B3GALT1: variants seen among roughly 807,000 people sequenced by gnomAD.
B3GALT1 encodes the protein beta-1,3-galactosyltransferase 1.
In B3GALT1, 10 loss-of-function variants were observed where a neutral mutation model predicts 23.2. That is an observed-to-expected ratio of 0.43 (90% CI 0.27 to 0.73). B3GALT1 has a LOEUF of 0.73. Among genes scored for constraint, B3GALT1 ranks in the 30% least tolerant of loss-of-function variants. The probability of loss-of-function intolerance (pLI) is 0.21; values close to 1 mark genes in which losing one functional copy is unlikely to be tolerated. For missense variants in B3GALT1, 299 were observed against 405.4 expected (o/e 0.74, Z 2.25); for synonymous variants, 156 against 141.5 (o/e 1.10, Z -0.73).
At chr2:167,675,718 A>G (rs1231714196) in intron 3 of B3GALT1, among the ~76,000 whole-genome samples, 2 of 152,188 alleles carry the variant, frequency 1.3e-5, no homozygotes, top group Non-Finnish European at 2.9e-5. Context: ...TAGCTCCACT[A>G]CTGAGAAATT....
intron 3 of B3GALT1, among the ~76,000 whole-genome samples, chr2:167,700,454 T>A: frequency 6.6e-6 from 1 of 151,686 alleles, no homozygotes; most frequent in East Asian, 1.9e-4. Context: ...ATGAAAGAGA[T>A]AAAAATTTTT....
chr2:167,453,493 C>T (rs559191420), intron 1 of B3GALT1, among the ~76,000 whole-genome samples: 1 of 152,248 alleles, frequency 6.6e-6, no homozygotes, highest in South Asian at 2.1e-4. Context: ...AAGGTTAATG[C>T]AAGAGCTCTA....
chr2:167,711,659 T>C (rs1396146156), intron 3 of B3GALT1, among the ~76,000 whole-genome samples: 1 of 152,108 alleles, frequency 6.6e-6, no homozygotes, highest in East Asian at 1.9e-4. Flanking sequence ...GTCTTGTAAA[T>C]AAAAATAATA....
chr2:167,485,773 A>C (rs1048550582), intron 1 of B3GALT1, among the ~76,000 whole-genome samples: 2 of 152,170 alleles, frequency 1.3e-5, no homozygotes, highest in African/African-American at 4.8e-5. Context: ...CTCCCAAGTC[A>C]CTAGTTCCAA....
intron 1 of B3GALT1, among the ~76,000 whole-genome samples, chr2:167,304,025 C>T (rs1333951958): frequency 2.6e-5 from 4 of 152,122 alleles, no homozygotes; most frequent in Non-Finnish European, 5.9e-5. Flanking sequence ...CAAGGTCTTC[C>T]ATACCTTCCC....
chr2:167,581,151 G>A (rs1684477326), intron 2 of B3GALT1, among the ~76,000 whole-genome samples: 1 of 152,120 alleles, frequency 6.6e-6, no homozygotes, highest in Non-Finnish European at 1.5e-5. Flanking sequence ...ACAGAGTAAA[G>A]GATCATCCAT....
In B3GALT1 at chr2:167,869,304, A is replaced by G; in HGVS notation, c.265A>G (p.Lys89Glu). 1 of 1,614,158 alleles carries G rather than the reference A, an allele frequency of 6.2e-7. No homozygotes were observed. The highest frequency in any genetic ancestry group is 1.3e-5 in the African/African-American group (1 of 75,046). ...FLVILISTTH[K>E]EFDARQAIRE... is the part of the protein sequence containing the mutation. ...TGTTATCCTCATCAGCACCACTCACAAGGAATTTGATGCCCGTCAGGCAAT... is the reference window on the plus strand; with the variant it reads ...TGTTATCCTCATCAGCACCACTCACGAGGAATTTGATGCCCGTCAGGCAAT... Residue 89 changes from lysine (K) to glutamate (E), a missense_variant, in exon 5 of 5, where the codon AAG becomes GAG. Physicochemically the swap from Lys to Glu is moderately conservative, Grantham distance 56. Coordinates refer to ENST00000392690, the MANE Select transcript of B3GALT1 (RefSeq NM_020981.4). The surrounding 1 kb of genome is among the most constrained non-coding windows in gnomAD (Gnocchi z 6.4).
chr2:167,562,831 A>G (rs1250777473), intron 2 of B3GALT1, among the ~76,000 whole-genome samples: 1 of 151,856 alleles, frequency 6.6e-6, no homozygotes, highest in Non-Finnish European at 1.5e-5. Flanking sequence ...GGTACTTGAG[A>G]TTAGGGAGTG....
intron 1 of B3GALT1, among the ~76,000 whole-genome samples, chr2:167,408,165 ATTATTCATCATAACAAAGAGG>A (rs1698336182): frequency 6.6e-6 from 1 of 152,106 alleles, no homozygotes; most frequent in Non-Finnish European, 1.5e-5. Context: ...CATTAGAAAG[ATTATTCATCATAACAAAGAGG>A]GATTCATCCA....
At chr2:167,603,207 A>G (rs1684904550) in intron 2 of B3GALT1, among the ~76,000 whole-genome samples, 1 of 152,136 alleles carries the variant, frequency 6.6e-6, no homozygotes, top group Non-Finnish European at 1.5e-5. Flanking sequence ...GTCATGTTTC[A>G]TGTGACTTCT....
intron 3 of B3GALT1, among the ~76,000 whole-genome samples, chr2:167,710,867 A>C (rs1687036774): frequency 6.6e-6 from 1 of 152,176 alleles, no homozygotes; most frequent in Non-Finnish European, 1.5e-5. Flanking sequence ...AAGTTAATAA[A>C]TAGCCCGTAG....
chr2:167,548,230 C>T (rs1295736976), intron 2 of B3GALT1, among the ~76,000 whole-genome samples: 1 of 152,208 alleles, frequency 6.6e-6, no homozygotes, highest in Non-Finnish European at 1.5e-5. Context: ...CTACCTTCTT[C>T]CTGCCTCTTT....
chr2:167,527,406 T>C (rs1400775562), intron 2 of B3GALT1, among the ~76,000 whole-genome samples: 4 of 152,126 alleles, frequency 2.6e-5, no homozygotes, highest in African/African-American at 9.6e-5. Flanking sequence ...TCCATTATCT[T>C]TGATACAAAT....
At chr2:167,409,172 T>A (rs1698355315) in intron 1 of B3GALT1, among the ~76,000 whole-genome samples, 1 of 152,230 alleles carries the variant, frequency 6.6e-6, no homozygotes, top group Non-Finnish European at 1.5e-5. Context: ...TCTCTCTGGC[T>A]GTTCTTAACA....
intron 1 of B3GALT1, among the ~76,000 whole-genome samples, chr2:167,376,066 A>G (rs762383446): frequency 6.6e-6 from 1 of 152,172 alleles, no homozygotes; most frequent in African/African-American, 2.4e-5. Context: ...CTATTTCTGC[A>G]TCTGTTGGGA....
At chr2:167,349,686 CGGT>C (rs1443991924) in intron 1 of B3GALT1, among the ~76,000 whole-genome samples, 1 of 151,940 alleles carries the variant, frequency 6.6e-6, no homozygotes, top group Non-Finnish European at 1.5e-5. Flanking sequence ...TTAAATTTGT[CGGT>C]GGAAGACATG....
intron 4 of B3GALT1, among the ~76,000 whole-genome samples, chr2:167,822,440 G>T (rs79247451): frequency 6.6e-6 from 1 of 152,012 alleles, no homozygotes; most frequent in Non-Finnish European, 1.5e-5. Context: ...CTTACACAGC[G>T]CACCCTCTAA....
chr2:167,621,798 C>T (rs1014053080), intron 2 of B3GALT1, among the ~76,000 whole-genome samples: 2 of 152,044 alleles, frequency 1.3e-5, no homozygotes, highest in Non-Finnish European at 2.9e-5. Flanking sequence ...GCACTTCTAA[C>T]TGCTGCTGCC....
chr2:167,471,415 C>T (rs907552795), intron 1 of B3GALT1, among the ~76,000 whole-genome samples: 2 of 152,064 alleles, frequency 1.3e-5, no homozygotes, highest in African/African-American at 4.8e-5. Context: ...CTAAATTACC[C>T]CCATTGAAAA....
Sources: gnomAD v4.1 joint callset for allele counts (sites outside exome capture counted in the v4.1 genomes callset) on GRCh38, gnomAD v4.1.1 for gene constraint, Gnocchi (gnomAD v3.1) non-coding constraint, MANE v1.5 for transcripts, NCBI Gene and HGNC (gene_info 2026-07-23, HGNC 2026-07-21) for gene names.